The following CSMD1 variants were observed in gnomAD, a reference collection of about 807,000 sequenced individuals.
The protein encoded by CSMD1 is CUB and sushi domain-containing protein 1.
A neutral mutation model predicts 417.5 loss-of-function variants in CSMD1; 213 were observed. The observed-to-expected ratio is 0.51, with a 90% CI of 0.46 to 0.57. The LOEUF (loss-of-function observed/expected upper bound fraction) is 0.57. CSMD1 is among the 20% of genes least tolerant of loss of function. The probability of loss-of-function intolerance (pLI) is 0.00; values close to 1 mark genes in which losing one functional copy is unlikely to be tolerated. For synonymous variants in CSMD1, 2,862 were observed against 1,736.8 expected, an observed-to-expected ratio of 1.65 and a Z score of -16.11; for missense variants, 6,923 against 4,529.7, an observed-to-expected ratio of 1.53 and a Z score of -15.17.
At chr8:4,107,394 A>C (rs1216168386) in intron 3 of CSMD1, among the ~76,000 whole-genome samples, 2 of 152,046 alleles carry the variant, frequency 1.3e-5, no homozygotes, top group Non-Finnish European at 2.9e-5. Context: ...TACAAAAATC[A>C]CTCGCTCCAC....
In CSMD1 at chr8:4,795,745, G is replaced by A. The variant is rs568189130; in HGVS notation, c.86-158187C>T. Among the ~76,000 whole-genome samples, 164 of 152,194 alleles carry A rather than the reference G, an allele frequency of 1.1e-3. 1 individual carries two copies. The highest frequency in any genetic ancestry group is 1.1e-3 in the Non-Finnish European group (78 of 68,004). On this transcript the variant is annotated intron_variant, in intron 1 of 69. Coordinates refer to ENST00000635120, the MANE Select transcript of CSMD1 (RefSeq NM_033225.6). Reference sequence around the variant, plus strand: ...TCCTGACAGGTCCTCCAGGGCTCTTGTCAGTTACCTCCGTACCTGTGCACG... The same window carrying A: ...TCCTGACAGGTCCTCCAGGGCTCTTATCAGTTACCTCCGTACCTGTGCACG...
intron 5 of CSMD1, among the ~76,000 whole-genome samples, chr8:3,823,841 A>T (rs1040119462): frequency 6.6e-6 from 1 of 152,196 alleles, no homozygotes; most frequent in African/African-American, 2.4e-5. Flanking sequence ...AATTTAAAAA[A>T]TTTTTAAATT....
chr8:4,424,683 C>T (rs190903882), intron 2 of CSMD1, among the ~76,000 whole-genome samples: 7 of 152,000 alleles, frequency 4.6e-5, no homozygotes, highest in Non-Finnish European at 8.8e-5. Flanking sequence ...AAACGAAACA[C>T]GTAACTGCCA....
At chr8:4,910,812 T>A (rs887543443) in intron 1 of CSMD1, among the ~76,000 whole-genome samples, 2 of 152,206 alleles carry the variant, frequency 1.3e-5, no homozygotes. Context: ...AATTGATAAA[T>A]GTCATTAGAT....
intron 1 of CSMD1, among the ~76,000 whole-genome samples, chr8:4,647,861 G>C (rs988343874): frequency 6.6e-6 from 1 of 152,172 alleles, no homozygotes; most frequent in Non-Finnish European, 1.5e-5. Flanking sequence ...ATTGTAAATA[G>C]TACTGCAGTA....
At chr8:3,384,315 T>G (rs1252983027) in intron 18 of CSMD1, among the ~76,000 whole-genome samples, 1 of 152,152 alleles carries the variant, frequency 6.6e-6, no homozygotes, top group Non-Finnish European at 1.5e-5. Flanking sequence ...TTTTTAAACA[T>G]TTTTAAATCA....
At chr8:4,857,023 T>A (rs1160465970) in intron 1 of CSMD1, among the ~76,000 whole-genome samples, 1 of 147,580 alleles carries the variant, frequency 6.8e-6, no homozygotes, top group Admixed American at 6.7e-5. Context: ...GAAGTAAAGC[T>A]CTCCTCAGCA....
At chr8:4,133,373 G>C (rs1254313904) in intron 3 of CSMD1, among the ~76,000 whole-genome samples, 1 of 152,162 alleles carries the variant, frequency 6.6e-6, no homozygotes, top group Non-Finnish European at 1.5e-5. Flanking sequence ...TTAATAAAGT[G>C]ACACTTTATA....
At chr8:4,153,268 G>C (rs779350352) in intron 3 of CSMD1, among the ~76,000 whole-genome samples, 5 of 152,326 alleles carry the variant, frequency 3.3e-5, no homozygotes, top group Non-Finnish European at 7.3e-5. Flanking sequence ...CGGCTATAAA[G>C]ACAGAGTGTC....
chr8:4,710,148 T>G (rs183535721), intron 1 of CSMD1, among the ~76,000 whole-genome samples: 4 of 152,118 alleles, frequency 2.6e-5, no homozygotes, highest in Admixed American at 2.0e-4. Flanking sequence ...AAGGGGGGAT[T>G]AATTCCTGTC....
intron 5 of CSMD1, among the ~76,000 whole-genome samples, chr8:3,883,790 C>A (rs1020715204): frequency 6.6e-6 from 1 of 151,976 alleles, no homozygotes; most frequent in Non-Finnish European, 1.5e-5. Flanking sequence ...GCTTTTAAAT[C>A]TACTTAAACA....
At chr8:3,139,561 G>A (rs543913655) in intron 41 of CSMD1, among the ~76,000 whole-genome samples, 2 of 152,268 alleles carry the variant, frequency 1.3e-5, no homozygotes, top group East Asian at 3.9e-4. Context: ...TAGACACCAG[G>A]TAAATAGATA....
At chr8:3,280,256 G>A (rs113779894) in intron 26 of CSMD1, among the ~76,000 whole-genome samples, 1 of 152,292 alleles carries the variant, frequency 6.6e-6, no homozygotes, top group African/African-American at 2.4e-5. Context: ...ATGACATCCA[G>A]CGTGGAATTA....
intron 3 of CSMD1, among the ~76,000 whole-genome samples, chr8:4,184,674 G>A (rs944656667): frequency 1.6e-4 from 25 of 152,204 alleles, no homozygotes; most frequent in South Asian, 4.2e-4. Context: ...GACACAAAGA[G>A]GGAAACAACA....
At chr8:3,279,076 G>C (rs1228453045) in intron 26 of CSMD1, 1 of 152,240 alleles carries the variant, frequency 6.6e-6, no homozygotes, top group Non-Finnish European at 1.5e-5. Context: ...CTGGTTCCCA[G>C]AAGTGGCAAG....
chr8:3,442,184 A>G (rs1426105908), intron 12 of CSMD1, among the ~76,000 whole-genome samples: 1 of 151,056 alleles, frequency 6.6e-6, no homozygotes, highest in Non-Finnish European at 1.5e-5. Flanking sequence ...GCAAAACAAT[A>G]AAAAATTTTA....
At chr8:3,579,822 A>T (rs13268363) in intron 9 of CSMD1, among the ~76,000 whole-genome samples, 2 of 152,080 alleles carry the variant, frequency 1.3e-5, no homozygotes, top group Non-Finnish European at 2.9e-5. Context: ...TATCACAGCA[A>T]GGCCAGTGTG....
chr8:2,974,735 C>T (rs1402075503), intron 55 of CSMD1, 111 bp from the exon 56 acceptor site: 2 of 624,838 alleles, frequency 3.2e-6, no homozygotes, highest in East Asian at 3.2e-5. Flanking sequence ...AAGAAAAACA[C>T]CTAAATATTC....
At chr8:4,153,016 A>G (rs1350201621) in intron 3 of CSMD1, among the ~76,000 whole-genome samples, 2 of 152,210 alleles carry the variant, frequency 1.3e-5, no homozygotes, top group African/African-American at 4.8e-5. Flanking sequence ...AGTGCATACC[A>G]TTTATTACAA....
Sources: gnomAD v4.1 joint callset for allele counts (sites outside exome capture counted in the v4.1 genomes callset) on GRCh38, gnomAD v4.1.1 for gene constraint, MANE v1.5 for transcripts, NCBI Gene and HGNC (gene_info 2026-07-23, HGNC 2026-07-21) for gene names.